The following CDH13 variants were observed in gnomAD, a reference collection of about 807,000 sequenced individuals.
CDH13 encodes cadherin 13.
In CDH13, 24 loss-of-function variants were observed where a neutral mutation model predicts 63.8. That is an observed-to-expected ratio of 0.38 (90% CI 0.27 to 0.53). CDH13 has a LOEUF of 0.53. Among genes scored for constraint, CDH13 ranks in the 20% least tolerant of loss-of-function variants. The pLI, the probability that CDH13 is intolerant of heterozygous loss-of-function variation, is 0.85. For missense variants in CDH13, 1,049 were observed against 903.1 expected (o/e 1.16, Z -2.07); for synonymous variants, 503 against 355.3 (o/e 1.42, Z -4.67).
intron 5 of CDH13, among the ~76,000 whole-genome samples, chr16:83,339,770 C>G (rs1267084115): frequency 6.6e-6 from 1 of 152,206 alleles, no homozygotes; most frequent in African/African-American, 2.4e-5. Context: ...CTGGATCTCC[C>G]TCCCATGATC....
intron 2 of CDH13, among the ~76,000 whole-genome samples, chr16:82,869,524 G>C (rs1597853826): frequency 1.3e-5 from 2 of 152,188 alleles, no homozygotes; most frequent in South Asian, 4.2e-4. Flanking sequence ...CAGAACAGCA[G>C]AAGCCATCTT....
At chr16:83,704,330 A>G (rs541470304) in intron 10 of CDH13, among the ~76,000 whole-genome samples, 3 of 152,180 alleles carry the variant, frequency 2.0e-5, no homozygotes, top group Non-Finnish European at 2.9e-5. Context: ...AATAAAATGC[A>G]CTCATGTTCT....
intron 2 of CDH13, among the ~76,000 whole-genome samples, chr16:82,873,346 C>G (rs1269996832): frequency 1.3e-5 from 2 of 152,204 alleles, no homozygotes; most frequent in African/African-American, 4.8e-5. Context: ...AGCCCAAGAT[C>G]TCACTAAAAA....
At chr16:83,127,422 G>T (rs1567856342) in intron 4 of CDH13, among the ~76,000 whole-genome samples, 1 of 152,166 alleles carries the variant, frequency 6.6e-6, no homozygotes, top group Non-Finnish European at 1.5e-5. Context: ...GAACAAAGGT[G>T]ACTTGGACTA....
chr16:83,429,827 G>C (rs1479962331), intron 6 of CDH13, among the ~76,000 whole-genome samples: 2 of 152,172 alleles, frequency 1.3e-5, no homozygotes, highest in African/African-American at 4.8e-5. Flanking sequence ...ATATTTTTGA[G>C]TAGACAATCC....
chr16:82,807,170 G>A (rs1198313789), intron 1 of CDH13, among the ~76,000 whole-genome samples: 6 of 150,676 alleles, frequency 4.0e-5, no homozygotes, highest in Admixed American at 2.0e-4. Flanking sequence ...CACAACCAGT[G>A]TTCCAAATGT....
Position 83,023,531 on chromosome 16 carries a change from C to T in CDH13, c.158-8479C>T, listed in dbSNP as rs1040857134. Reference sequence around the variant, plus strand: ...CAGATAGAGGTTTTGAGTATTTGTTCACAAGTTTAATTGTTTAGTCACATC... The same window carrying T: ...CAGATAGAGGTTTTGAGTATTTGTTTACAAGTTTAATTGTTTAGTCACATC... On this transcript the variant is annotated intron_variant, in intron 2 of 13. Coordinates refer to ENST00000567109, the MANE Select transcript of CDH13 (RefSeq NM_001257.5). Among the ~76,000 whole-genome samples, 14 of 152,258 alleles carry T rather than the reference C, an allele frequency of 9.2e-5. No homozygotes were observed. The South Asian group carries it at 2.1e-3, about 23-fold the overall frequency.
intron 8 of CDH13, among the ~76,000 whole-genome samples, chr16:83,635,408 A>T (rs1683279665): frequency 8.3e-6 from 1 of 120,156 alleles, no homozygotes; most frequent in Admixed American, 1.2e-4. Flanking sequence ...CAGGGGTGTG[A>T]CCTCGGCTCA....
chr16:82,937,398 G>A (rs926692145), intron 2 of CDH13, among the ~76,000 whole-genome samples: 1 of 151,402 alleles, frequency 6.6e-6, no homozygotes, highest in African/African-American at 2.4e-5. Flanking sequence ...GTCTCTCTCT[G>A]TGTCTCACAC....
intron 6 of CDH13, among the ~76,000 whole-genome samples, chr16:83,403,898 A>T (rs1182354747): frequency 6.6e-6 from 1 of 152,216 alleles, no homozygotes; most frequent in Non-Finnish European, 1.5e-5. Context: ...TGCACACTTG[A>T]AATGTTCGGG....
intron 2 of CDH13, among the ~76,000 whole-genome samples, chr16:82,988,855 G>A (rs1442024462): frequency 2.0e-5 from 3 of 152,042 alleles, no homozygotes; most frequent in African/African-American, 4.8e-5. Flanking sequence ...CAAGGTAGGA[G>A]GTGTTCTGTG....
At chr16:83,441,831 T>G (rs185180620) in intron 6 of CDH13, among the ~76,000 whole-genome samples, 3 of 152,296 alleles carry the variant, frequency 2.0e-5, no homozygotes, top group Admixed American at 6.5e-5. Context: ...AGGAAATGTT[T>G]CAGGGCATCA....
chr16:83,630,707 C>T (rs1328664923), intron 8 of CDH13, among the ~76,000 whole-genome samples: 2 of 152,290 alleles, frequency 1.3e-5, no homozygotes, highest in East Asian at 1.9e-4. Flanking sequence ...TGACCTGCAC[C>T]TGTGAAGATG....
At chr16:82,996,711 G>GTGA (rs1034214934) in intron 2 of CDH13, among the ~76,000 whole-genome samples, 1 of 152,070 alleles carries the variant, frequency 6.6e-6, no homozygotes, top group Admixed American at 6.6e-5. Flanking sequence ...CATAATGAGA[G>GTGA]TGATGATGAT....
intron 4 of CDH13, among the ~76,000 whole-genome samples, chr16:83,173,569 ACATCC>A (rs2038008799): frequency 6.6e-6 from 1 of 152,150 alleles, no homozygotes; most frequent in South Asian, 2.1e-4. Context: ...TAGAATAAGC[ACATCC>A]CAACTATTGC....
At chr16:83,030,165 C>T (rs748921190) in intron 2 of CDH13, among the ~76,000 whole-genome samples, 1 of 152,116 alleles carries the variant, frequency 6.6e-6, no homozygotes, top group Non-Finnish European at 1.5e-5. Context: ...TAAGGTATTC[C>T]ATGGCAGGAA....
At chr16:82,989,135 G>A (rs576505561) in intron 2 of CDH13, among the ~76,000 whole-genome samples, 1 of 152,262 alleles carries the variant, frequency 6.6e-6, no homozygotes, top group African/African-American at 2.4e-5. Context: ...AAGGGGAGAC[G>A]GAGAGAGAGA....
At chr16:83,258,669 C>G (rs1906582103) in intron 5 of CDH13, among the ~76,000 whole-genome samples, 1 of 152,170 alleles carries the variant, frequency 6.6e-6, no homozygotes, top group Non-Finnish European at 1.5e-5. Flanking sequence ...CTCATTAACG[C>G]AAGAAGAGAA....
intron 11 of CDH13, among the ~76,000 whole-genome samples, chr16:83,768,519 T>C (rs189509507): frequency 2.0e-5 from 3 of 152,258 alleles, no homozygotes; most frequent in Admixed American, 2.0e-4. Flanking sequence ...GGTTCTTGGA[T>C]CTCATGCAAG....
Sources: allele counts gnomAD v4.1 joint callset (sites outside exome capture counted in the v4.1 genomes callset), GRCh38; gene constraint gnomAD v4.1.1; transcripts MANE v1.5; gene names NCBI Gene and HGNC (gene_info 2026-07-23, HGNC 2026-07-21).